ATAD5: variants seen among roughly 807,000 people sequenced by gnomAD.
ATAD5 encodes the protein ATPase family AAA domain-containing protein 5.
A neutral mutation model predicts 176.9 loss-of-function variants in ATAD5; 58 were observed. That is an observed-to-expected ratio of 0.33 (90% confidence interval 0.27 to 0.41). ATAD5 has a LOEUF of 0.41. ATAD5 is among the 10% of genes least tolerant of loss of function. The pLI, the probability that ATAD5 is intolerant of heterozygous loss-of-function variation, is 1.00. For synonymous variants in ATAD5, 640 were observed against 712.6 expected, an observed-to-expected ratio of 0.90 and a Z score of 1.62; for missense variants, 1,789 against 2,094.1, an observed-to-expected ratio of 0.85 and a Z score of 2.84.
At chr17:30,856,508 A>G (rs1004686979) in intron 7 of ATAD5, among the ~76,000 whole-genome samples, 1 of 151,918 alleles carries the variant, frequency 6.6e-6, no homozygotes, top group Admixed American at 6.6e-5. Context: ...GAGTGCAGTG[A>G]TGAGATCTCA....
chr17:30,834,398 C>T lies in ATAD5; in HGVS notation c.317C>T (p.Ser106Leu), dbSNP rs954559133. Residue 106 changes from serine to leucine, a missense_variant, in exon 2 of 23, where the codon TCA becomes TTA. Ser to Leu is a moderately radical substitution (Grantham distance 145, BLOSUM62 -2). Around this residue, in one of 6 missense-constraint regions of ATAD5, gnomAD observed 696 missense variants for 712.5 expected, o/e 0.98. Coordinates refer to ENST00000321990, the MANE Select transcript of ATAD5 (RefSeq NM_024857.5). ...KDCTTPLEMF[S>L]NVEFKKKRKR... The stretch of plus-strand genomic sequence containing the variant: ...TGTACGACACCTTTGGAAATGTTCT[C>T]AAATGTAGAGTTTAAGAAGAAAAGA... 3 of 1,602,280 alleles carry T rather than the reference C, an allele frequency of 1.9e-6. No homozygotes were observed. The highest frequency in any genetic ancestry group is 1.3e-5 in the African/African-American group (1 of 74,210).
chr17:30,886,664 T>G (rs1017208854), intron 18 of ATAD5, among the ~76,000 whole-genome samples: 1 of 151,762 alleles, frequency 6.6e-6, no homozygotes, highest in Non-Finnish European at 1.5e-5. Flanking sequence ...TCCTAGCACT[T>G]TGGAAGGCTA....
chr17:30,894,772 TAC>T, intron 22 of ATAD5, 50 bp downstream of exon 22: 2 of 1,559,934 alleles, frequency 1.3e-6, no homozygotes, highest in Non-Finnish European at 1.7e-6. Context: ...TCAAGATTAA[TAC>T]ATATTTTCAT....
chr17:30,885,623 C>CTTTTTTTTTTTTTTTTT (rs778733612), intron 18 of ATAD5, among the ~76,000 whole-genome samples: 10 of 93,800 alleles, frequency 1.1e-4, no homozygotes, highest in African/African-American at 2.4e-4. Context: ...TTCCAACTTT[C>CTTTTTTTTTTTTTTTTT]TTTTTTTTTT....
intron 6 of ATAD5, 90 bp from the exon 7 acceptor site, chr17:30,855,053 C>A: frequency 8.0e-7 from 1 of 1,255,696 alleles, no homozygotes; most frequent in Non-Finnish European, 1.1e-6. Flanking sequence ...GCCACCATGC[C>A]CAGCCCTAAA....
intron 8 of ATAD5, among the ~76,000 whole-genome samples, chr17:30,857,924 T>C (rs936494724): frequency 6.6e-6 from 1 of 152,092 alleles, no homozygotes; most frequent in Non-Finnish European, 1.5e-5. Context: ...GTATTTTTAG[T>C]AGACACGGGG....
chr17:30,868,225 C>T, intron 11 of ATAD5, 108 bp from the exon 12 acceptor site: 1 of 844,026 alleles, frequency 1.2e-6, no homozygotes, highest in Non-Finnish European at 1.7e-6. Flanking sequence ...TGGCCAGTGG[C>T]AGAGAAACTA....
chr17:30,842,850 T>C (rs1203507844), intron 4 of ATAD5, among the ~76,000 whole-genome samples: 6 of 152,080 alleles, frequency 3.9e-5, no homozygotes, highest in African/African-American at 1.4e-4. Flanking sequence ...TTCAAGCGAT[T>C]CTCCTGCCTC....
rs62070647 is a variant in ATAD5 at position 30,879,405 on chromosome 17, G to T, written c.4013-18G>T. ...GTGTTTAAGAATTTTTTTTTTTTGT[G>T]TGTGTGTGTGTGTGTAGACCCAACA... is the stretch of plus-strand genomic sequence containing the variant. On this transcript the variant is annotated intron_variant, in intron 17 of 22. Coordinates refer to ENST00000321990, the MANE Select transcript of ATAD5 (RefSeq NM_024857.5). 9.4e-4 allele frequency: 1,319 copies of T among 1,409,620 alleles called. 10 individuals are homozygous for T. In the African/African-American group the frequency reaches 0.015, roughly 16 times the overall value. 87.3% of individuals were successfully genotyped at this position (1,409,620 alleles called of 1,614,324 possible).
chr17:30,892,080 T>A (rs771560110), intron 19 of ATAD5, among the ~76,000 whole-genome samples: 2 of 152,074 alleles, frequency 1.3e-5, no homozygotes, highest in Non-Finnish European at 2.9e-5. Context: ...TTCTGTTGGA[T>A]GGCTTTGAAA....
chr17:30,882,538 C>T (rs530314395), intron 18 of ATAD5, among the ~76,000 whole-genome samples: 62 of 151,822 alleles, frequency 4.1e-4, no homozygotes, highest in Admixed American at 1.5e-3. Flanking sequence ...TGCAGGAAGC[C>T]AAGATTGTGC....
intron 3 of ATAD5, among the ~76,000 whole-genome samples, chr17:30,838,858 ACT>A (rs1321408117): frequency 2.0e-4 from 30 of 152,224 alleles, no homozygotes; most frequent in African/African-American, 6.7e-4. Context: ...TTTATCTCAT[ACT>A]CTGTCAATGG....
chr17:30,884,749 C>CT (rs71142006), intron 18 of ATAD5, among the ~76,000 whole-genome samples: 5 of 115,774 alleles, frequency 4.3e-5, no homozygotes, highest in Non-Finnish European at 7.3e-5. Context: ...ATTTCTTTTT[C>CT]TTTTTTTTTT....
At chr17:30,844,299 T>G (rs1174527081) in intron 5 of ATAD5, among the ~76,000 whole-genome samples, 1 of 151,662 alleles carries the variant, frequency 6.6e-6, no homozygotes, top group African/African-American at 2.4e-5. Context: ...GCCCGGCTAA[T>G]TTTTTGTATT....
At chr17:30,865,587 T>A (rs897921061) in intron 10 of ATAD5, 117 bp from the exon 11 acceptor site, 6 of 558,330 alleles carry the variant, frequency 1.1e-5, no homozygotes, top group Non-Finnish European at 1.8e-5. Flanking sequence ...ATTTTGTAAA[T>A]ATAAATATTT....
chr17:30,883,124 A>AT (rs869117449), intron 18 of ATAD5, among the ~76,000 whole-genome samples: 3,279 of 137,386 alleles, frequency 0.024, 63 homozygotes, highest in South Asian at 0.06. Context: ...TAAACACCAG[A>AT]TTTTTTTTTT....
At chr17:30,888,687 T>TA (rs1311627168) in intron 19 of ATAD5, among the ~76,000 whole-genome samples, 20 of 152,230 alleles carry the variant, frequency 1.3e-4, no homozygotes, top group African/African-American at 4.8e-4. Context: ...TTTTTTCACC[T>TA]AAAAAAGGAG....
intron 8 of ATAD5, among the ~76,000 whole-genome samples, chr17:30,857,683 G>A (rs1002187922): frequency 6.6e-6 from 1 of 151,530 alleles, no homozygotes; most frequent in Admixed American, 6.6e-5. Flanking sequence ...GATATAATTA[G>A]TTCAAAGGGA....
At chr17:30,874,689 G>A (rs1908559858) in intron 14 of ATAD5, among the ~76,000 whole-genome samples, 1 of 149,956 alleles carries the variant, frequency 6.7e-6, no homozygotes, top group Non-Finnish European at 1.5e-5. Flanking sequence ...GCAGTGCAGT[G>A]GAGCGATCTC....
Sources: gnomAD v4.1 joint callset for allele counts (sites outside exome capture counted in the v4.1 genomes callset) on GRCh38, gnomAD v4.1.1 for gene constraint, gnomAD v4.1.1 regional missense constraint, MANE v1.5 for transcripts, NCBI Gene and HGNC (gene_info 2026-07-23, HGNC 2026-07-21) for gene names.